Variants in ADAMTS17 observed in about 807,000 individuals in gnomAD.
The protein encoded by ADAMTS17 is ADAM metallopeptidase with thrombospondin type 1 motif 17.
A neutral mutation model predicts 141.5 loss-of-function variants in ADAMTS17; 113 were observed. That is an observed-to-expected ratio of 0.80 (90% CI 0.69 to 0.93). The LOEUF is 0.93. ADAMTS17 is among the 40% of genes least tolerant of loss of function. ADAMTS17 has a pLI of 0.00. For missense variants in ADAMTS17, 1,659 were observed against 1,517.9 expected (o/e 1.09, Z -1.54); for synonymous variants, 768 against 630.6 (o/e 1.22, Z -3.27).
chr15:100,201,271 G>A (rs1167638772), intron 7 of ADAMTS17, among the ~76,000 whole-genome samples: 1 of 152,168 alleles, frequency 6.6e-6, no homozygotes, highest in African/African-American at 2.4e-5. Flanking sequence ...CGCCGTTCTT[G>A]GGACAGTGAG....
chr15:100,210,994 G>A (rs1010476905), intron 7 of ADAMTS17, among the ~76,000 whole-genome samples: 1 of 151,884 alleles, frequency 6.6e-6, no homozygotes, highest in African/African-American at 2.4e-5. Flanking sequence ...CCAGCTACTC[G>A]GGGGCTGAGG....
At chr15:100,105,329 C>G (rs558825977) in intron 14 of ADAMTS17, among the ~76,000 whole-genome samples, 2 of 152,202 alleles carry the variant, frequency 1.3e-5, no homozygotes, top group Admixed American at 6.5e-5. Flanking sequence ...TCTGCACCTG[C>G]GCACCCTGGT....
chr15:100,133,400 C>T (rs2141246892), intron 10 of ADAMTS17, 85 bp from the exon 11 acceptor site: 2 of 1,384,050 alleles, frequency 1.4e-6, no homozygotes, highest in South Asian at 1.2e-5. Context: ...GGCCCAACCA[C>T]TGTTTCAAAT....
At chr15:100,082,967 G>A (rs1170701003) in intron 15 of ADAMTS17, among the ~76,000 whole-genome samples, 1 of 152,074 alleles carries the variant, frequency 6.6e-6, no homozygotes, top group Non-Finnish European at 1.5e-5. Context: ...GCGTTTCCTA[G>A]AGGTGCTGTG....
At chr15:100,015,257 G>C (rs911830473) in intron 18 of ADAMTS17, among the ~76,000 whole-genome samples, 1 of 152,102 alleles carries the variant, frequency 6.6e-6, no homozygotes, top group African/African-American at 2.4e-5. Context: ...TGAGTCTCCT[G>C]AAGGTAGCAG....
chr15:99,998,111 C>T (rs971534449), intron 18 of ADAMTS17, among the ~76,000 whole-genome samples: 19 of 152,144 alleles, frequency 1.2e-4, no homozygotes, highest in Admixed American at 4.6e-4. Flanking sequence ...TTTGTTGCTG[C>T]GGCAATAGGG....
At chr15:100,146,720 A>G (rs563999983) in intron 10 of ADAMTS17, among the ~76,000 whole-genome samples, 3 of 152,290 alleles carry the variant, frequency 2.0e-5, no homozygotes, top group Non-Finnish European at 4.4e-5. Flanking sequence ...GTATCGCTGA[A>G]TTATTTTTCT....
At chr15:100,210,921 G>A (rs1051732912) in intron 7 of ADAMTS17, among the ~76,000 whole-genome samples, 14 of 152,046 alleles carry the variant, frequency 9.2e-5, no homozygotes, top group African/African-American at 3.4e-4. Context: ...CTAACATGGT[G>A]AAACCTCGAC....
chr15:100,148,147 ACTGGC>A (rs1433600308), intron 10 of ADAMTS17, among the ~76,000 whole-genome samples: 2 of 152,258 alleles, frequency 1.3e-5, no homozygotes, highest in Non-Finnish European at 2.9e-5. Context: ...ACTTAGCCAC[ACTGGC>A]AAAGTCCTTT....
At chr15:100,160,816 G>A (rs895423998) in intron 8 of ADAMTS17, among the ~76,000 whole-genome samples, 6 of 152,142 alleles carry the variant, frequency 3.9e-5, no homozygotes, top group South Asian at 2.1e-4. Context: ...CATGCCAAGC[G>A]GCTCATCACT....
intron 19 of ADAMTS17, among the ~76,000 whole-genome samples, chr15:99,994,640 C>A (rs1043635653): frequency 6.6e-6 from 1 of 152,208 alleles, no homozygotes; most frequent in Non-Finnish European, 1.5e-5. Context: ...AATATCGGCT[C>A]ACTGCAACCT....
chr15:100,268,701 G>A (rs2043803836), intron 4 of ADAMTS17, among the ~76,000 whole-genome samples: 1 of 152,122 alleles, frequency 6.6e-6, no homozygotes. Context: ...CAGATAGTTT[G>A]CAAATATTTT....
chr15:100,331,639 C>T (rs763540575), intron 2 of ADAMTS17, among the ~76,000 whole-genome samples: 6 of 152,094 alleles, frequency 3.9e-5, no homozygotes, highest in Admixed American at 3.9e-4. Context: ...GAACACTGAT[C>T]GATGCAGTCA....
At chr15:100,112,487 A>G (rs565992611) in intron 13 of ADAMTS17, among the ~76,000 whole-genome samples, 1 of 152,096 alleles carries the variant, frequency 6.6e-6, no homozygotes, top group Non-Finnish European at 1.5e-5. Context: ...TGTGAGGAGG[A>G]GGCTCAGAAT....
rs546245038 is a variant in ADAMTS17 at position 100,015,636 on chromosome 15, G to A, written c.2592-18047C>T. Among the ~76,000 whole-genome samples, 105 of 152,248 alleles carry A rather than the reference G, an allele frequency of 6.9e-4. 3 individuals are homozygous for A. In the South Asian group the frequency reaches 0.02, roughly 29 times the overall value. ...TCCTTCATATATGATGCTTACTTTT[G>A]CTGGAAACAAAATACTTGGCTGATA... On this transcript the variant is annotated intron_variant, in intron 18 of 21. Coordinates refer to ENST00000268070, the MANE Select transcript of ADAMTS17 (RefSeq NM_139057.4).
chr15:100,135,530 G>A (rs370371158), intron 10 of ADAMTS17, among the ~76,000 whole-genome samples: 7 of 152,024 alleles, frequency 4.6e-5, no homozygotes, highest in South Asian at 4.2e-4. Context: ...TGATCCACCC[G>A]TCTCAGTCTC....
chr15:100,306,976 G>A (rs2141839864), intron 3 of ADAMTS17, among the ~76,000 whole-genome samples: 1 of 152,296 alleles, frequency 6.6e-6, no homozygotes, highest in South Asian at 2.1e-4. Flanking sequence ...GGCTGAGAGA[G>A]GACCATGGCA....
intron 8 of ADAMTS17, among the ~76,000 whole-genome samples, chr15:100,164,134 C>T (rs2039851494): frequency 6.6e-6 from 1 of 151,716 alleles, no homozygotes; most frequent in South Asian, 2.1e-4. Context: ...TCCTCCACCC[C>T]TGCACTCCAG....
intron 18 of ADAMTS17, among the ~76,000 whole-genome samples, chr15:100,011,803 G>A (rs1338665015): frequency 6.6e-6 from 1 of 152,188 alleles, no homozygotes; most frequent in Non-Finnish European, 1.5e-5. Context: ...GTTGACTGAT[G>A]GGCATTTGGG....
Sources: gnomAD v4.1 joint callset for allele counts (sites outside exome capture counted in the v4.1 genomes callset) on GRCh38, gnomAD v4.1.1 for gene constraint, MANE v1.5 for transcripts, NCBI Gene and HGNC (gene_info 2026-07-23, HGNC 2026-07-21) for gene names.